The following HSF5 variants were observed in gnomAD, a reference collection of about 807,000 sequenced individuals.
HSF5 encodes heat shock transcription factor 5.
A neutral mutation model predicts 50.8 loss-of-function variants in HSF5; 5 were observed. The observed-to-expected ratio is 0.10, with a 90% CI of 0.05 to 0.21. HSF5 has a LOEUF of 0.21. Among genes scored for constraint, HSF5 ranks in the 10% least tolerant of loss-of-function variants. The pLI, the probability that HSF5 is intolerant of heterozygous loss-of-function variation, is 1.00. For missense variants in HSF5, 564 were observed against 762.6 expected, an observed-to-expected ratio of 0.74 and a Z score of 3.07; for synonymous variants, 307 against 307.4, an observed-to-expected ratio of 1.00 and a Z score of 0.02.
intron 2 of HSF5, chr17:58,476,261 C>T: frequency 5.3e-6 from 5 of 944,692 alleles, no homozygotes; most frequent in Middle Eastern, 3.4e-4. Flanking sequence ...TCTTCTTCTC[C>T]TTCTTCATCA....
intron 5 of HSF5, among the ~76,000 whole-genome samples, chr17:58,433,511 A>G (rs911170869): frequency 6.6e-6 from 1 of 152,194 alleles, no homozygotes; most frequent in Non-Finnish European, 1.5e-5. Context: ...CTAGGAATTG[A>G]ATAGAGAGAG....
intron 5 of HSF5, among the ~76,000 whole-genome samples, chr17:58,431,384 G>A (rs1974363074): frequency 1.3e-5 from 2 of 152,098 alleles, no homozygotes; most frequent in African/African-American, 4.8e-5. Context: ...AAGTATTTAT[G>A]TATCTAAACA....
At chr17:58,444,648 A>G (rs988805226) in intron 5 of HSF5, among the ~76,000 whole-genome samples, 4 of 152,222 alleles carry the variant, frequency 2.6e-5, no homozygotes, top group African/African-American at 9.6e-5. Context: ...ACAGAGAGAG[A>G]TAACTTCACG....
intron 5 of HSF5, among the ~76,000 whole-genome samples, chr17:58,452,709 C>T (rs927808438): frequency 6.6e-6 from 1 of 152,210 alleles, no homozygotes; most frequent in African/African-American, 2.4e-5. Flanking sequence ...CACCTCTGCC[C>T]AGCGGCCGCA....
In HSF5 at chr17:58,435,264, T is replaced by C. The variant is rs552788921; in HGVS notation, c.1721-12834A>G. 2.8e-4 allele frequency among the ~76,000 whole-genome samples: 42 copies of C among 152,234 alleles called. No individual in the cohort carries two copies. The South Asian group carries it at 8.5e-3, about 31-fold the overall frequency. On this transcript the variant is annotated intron_variant, in intron 5 of 5. Coordinates refer to ENST00000323777, the MANE Select transcript of HSF5 (RefSeq NM_001080439.3). ...AGCCTACGTGAATTTAAAGTGAGAC[T>C]AAGGCGGGGTGCAGTAGCTCATGCC...
At chr17:58,480,809 A>G (rs1298808603) in intron 1 of HSF5, among the ~76,000 whole-genome samples, 1 of 151,944 alleles carries the variant, frequency 6.6e-6, no homozygotes, top group East Asian at 1.9e-4. Context: ...CTATCTAGCA[A>G]CCGGGTCTCA....
Position 58,426,030 on chromosome 17 carries a change from C to CA in HSF5, c.1721-3601dup, listed in dbSNP as rs1974293007. 3.9e-5 allele frequency among the ~76,000 whole-genome samples: 6 copies of CA among 152,306 alleles called. No homozygotes were observed. In the South Asian group the frequency reaches 1.2e-3, roughly 32 times the overall value. ...TAAACCTATAGAGACATACCAGCTC[C>CA]ATAAAGGACAGGCCATATGGTGGTA... On this transcript the variant is annotated intron_variant, in intron 5 of 5. Transcript: ENST00000323777.
At chr17:58,468,234 C>CA (rs951772230) in intron 2 of HSF5, among the ~76,000 whole-genome samples, 6 of 151,936 alleles carry the variant, frequency 3.9e-5, no homozygotes, top group African/African-American at 9.7e-5. Context: ...CCCGTCTCTA[C>CA]AAAAAATACA....
intron 1 of HSF5, among the ~76,000 whole-genome samples, chr17:58,486,667 A>G (rs1342887977): frequency 6.6e-6 from 1 of 152,208 alleles, no homozygotes; most frequent in African/African-American, 2.4e-5. Context: ...CATAGGAACT[A>G]TATCTTGTAA....
intron 2 of HSF5, among the ~76,000 whole-genome samples, chr17:58,470,496 C>A (rs1397130512): frequency 6.6e-6 from 1 of 151,930 alleles, no homozygotes; most frequent in Non-Finnish European, 1.5e-5. Context: ...TAGAGATTAC[C>A]AGGGGTTGGG....
At chr17:58,474,689 A>G (rs1974987597) in intron 2 of HSF5, among the ~76,000 whole-genome samples, 1 of 152,218 alleles carries the variant, frequency 6.6e-6, no homozygotes, top group Admixed American at 6.5e-5. Flanking sequence ...TGAATAATAT[A>G]TGAGTACTTT....
At chr17:58,461,878 A>C (rs1262921281) in intron 4 of HSF5, among the ~76,000 whole-genome samples, 1 of 152,212 alleles carries the variant, frequency 6.6e-6, no homozygotes, top group Non-Finnish European at 1.5e-5. Context: ...TCAAAAAAAA[A>C]AATTTCTTTT....
Position 58,465,121 on chromosome 17 carries a change from C to A in HSF5, c.1020+1764G>T, listed in dbSNP as rs1974843406. On this transcript the variant is annotated intron_variant, in intron 3 of 5. Coordinates refer to ENST00000323777, the MANE Select transcript of HSF5 (RefSeq NM_001080439.3). ...GCATGCACCACTACATCCAACTAAC[C>A]CACCCTTTCTCTCTCCCTCCCTCCC... is the stretch of plus-strand genomic sequence containing the variant. Among the ~76,000 whole-genome samples the A allele has an allele frequency of 1.3e-5, 2 of 150,120 alleles. 1 individual carries two copies. The highest frequency in any genetic ancestry group is 4.2e-4 in the South Asian group (2 of 4,720).
rs1975215899 is a variant in HSF5 at position 58,488,033 on chromosome 17, A to ATGAAGCTGG, written c.233_241dup (p.Thr78_Phe80dup). 6.2e-7 allele frequency: 1 copy of ATGAAGCTGG among 1,606,574 alleles called. No individual in the cohort carries two copies. Among genetic ancestry groups the ATGAAGCTGG allele is most frequent in the Non-Finnish European group, 8.5e-7 (1 of 1,178,036 alleles). Reference sequence around the variant, plus strand: ...GAAGCCGTAGAGGTTGAGCTGGCGGATGAAGCTGGTGAAGCTGGTGGTTTT... The same window carrying ATGAAGCTGG: ...GAAGCCGTAGAGGTTGAGCTGGCGGATGAAGCTGGTGAAGCTGGTGAAGCTGGTGGTTTT... On this transcript the variant is annotated inframe_insertion, in exon 1 of 6. Transcript: ENST00000323777. This position sits in a 1 kb window ranked among gnomAD's most constrained non-coding sequence, Gnocchi z 4.1.
At chr17:58,450,431 A>C (rs1974623340) in intron 5 of HSF5, among the ~76,000 whole-genome samples, 1 of 152,012 alleles carries the variant, frequency 6.6e-6, no homozygotes, top group African/African-American at 2.4e-5. Context: ...CCAAACAAGA[A>C]GAGCATTAGC....
rs753926671 is a variant in HSF5, at chr17:58,466,930, A to G, written c.975T>C (p.Cys325=). The stretch of plus-strand genomic sequence containing the variant: ...CATAGGAAGAGGCAGTGGGAGTGAC[A>G]CAACTACTTAGAGCATCCATGTGGG... ...SPTHMDALSS[C]VTPTASSYAH... is the part of the protein sequence containing the mutation. Residue 325 remains cysteine (C), a synonymous_variant, in exon 3 of 6, where the codon TGT becomes TGC. Transcript: ENST00000323777. 1.9e-6 allele frequency: 3 copies of G among 1,612,022 alleles called. No individual in the cohort carries two copies. The highest frequency in any genetic ancestry group is 1.7e-5 in the Admixed American group (1 of 60,028).
intron 5 of HSF5, among the ~76,000 whole-genome samples, chr17:58,441,106 T>C (rs1028517484): frequency 2.0e-5 from 3 of 152,156 alleles, no homozygotes; most frequent in Admixed American, 6.5e-5. Context: ...CACTGGGCCA[T>C]GAAACAAGTC....
chr17:58,463,098 T>A lies in HSF5; in HGVS notation c.1226A>T (p.Gln409Leu). 1 of 1,614,232 alleles carries A rather than the reference T, an allele frequency of 6.2e-7. No homozygotes were observed. The highest frequency in any genetic ancestry group is 8.5e-7 in the Non-Finnish European group (1 of 1,180,044). The change falls in exon 4 of 6, where the codon CAA (glutamine) becomes CTA (leucine). Residue 409 changes from glutamine to leucine, a missense_variant. Gln to Leu is a moderately radical substitution (Grantham distance 113). This residue lies in a region of HSF5 where 441 missense variants were observed against 533.6 expected (regional missense o/e 0.83). Coordinates refer to ENST00000323777, the MANE Select transcript of HSF5 (RefSeq NM_001080439.3). ...QCPTSPSYRG[Q>L]HILANSNNSN... ...GTTGTTAGAATTAGCTAAAATGTGT[T>A]GGCCTCTGTAAGACGGAGATGTTGG...
chr17:58,452,552 G>A (rs1212471443), intron 5 of HSF5, among the ~76,000 whole-genome samples: 1 of 152,200 alleles, frequency 6.6e-6, no homozygotes, highest in Non-Finnish European at 1.5e-5. Flanking sequence ...GCTCATGCCT[G>A]TAATCGCAAC....
Sources: gnomAD v4.1 joint callset for allele counts (sites outside exome capture counted in the v4.1 genomes callset) on GRCh38, gnomAD v4.1.1 for gene constraint, gnomAD v4.1.1 regional missense constraint, Gnocchi (gnomAD v3.1) non-coding constraint, MANE v1.5 for transcripts, NCBI Gene and HGNC (gene_info 2026-07-23, HGNC 2026-07-21) for gene names.